The following SLMAP variants were observed in gnomAD, a reference collection of about 807,000 sequenced individuals.
The protein encoded by SLMAP is sarcolemma associated protein.
SLMAP carries 44 observed loss-of-function variants against 128.8 expected under a neutral mutation model. That is an observed-to-expected ratio of 0.34 (90% CI 0.27 to 0.44). The LOEUF is 0.44. Ranked by LOEUF, SLMAP falls within the 20% of genes least tolerant of loss-of-function variation. SLMAP has a pLI of 1.00. For missense variants in SLMAP, 787 were observed against 985.3 expected (o/e 0.80, Z 2.69); for synonymous variants, 327 against 348.8 (o/e 0.94, Z 0.70).
chr3:57,773,062 C>T (rs2081200657), intron 2 of SLMAP, among the ~76,000 whole-genome samples: 1 of 152,162 alleles, frequency 6.6e-6, no homozygotes, highest in African/African-American at 2.4e-5. Flanking sequence ...CAGCGTGTGT[C>T]ATTTCAGCTT....
chr3:57,900,116 A>G (rs967637882), intron 17 of SLMAP: 12 of 152,234 alleles, frequency 7.9e-5, no homozygotes, highest in Non-Finnish European at 1.2e-4. Flanking sequence ...GCAGCTACAT[A>G]TAAGTAGCCT....
intron 22 of SLMAP, among the ~76,000 whole-genome samples, chr3:57,919,530 C>T (rs1279020549): frequency 2.0e-5 from 3 of 152,104 alleles, no homozygotes; most frequent in Admixed American, 6.5e-5. Flanking sequence ...TGCAGTGGCT[C>T]ACTCCTGTAA....
chr3:57,859,588 T>C (rs965040725), intron 8 of SLMAP, among the ~76,000 whole-genome samples: 5 of 152,124 alleles, frequency 3.3e-5, no homozygotes, highest in Non-Finnish European at 7.4e-5. Flanking sequence ...CAATGGCCAT[T>C]GTTTTTTGTA....
At chr3:57,835,573 A>G (rs1376539528) in intron 3 of SLMAP, among the ~76,000 whole-genome samples, 3 of 152,238 alleles carry the variant, frequency 2.0e-5, no homozygotes, top group South Asian at 2.1e-4. Context: ...ACTAAAGTAG[A>G]AAGACCATGC....
chr3:57,884,878 A>G (rs2095839640), intron 14 of SLMAP, among the ~76,000 whole-genome samples: 1 of 152,142 alleles, frequency 6.6e-6, no homozygotes, highest in Admixed American at 6.6e-5. Flanking sequence ...TGGGTGTAAT[A>G]AGCCCTGCAA....
At position 57,896,894 on chromosome 3, in the gene SLMAP, A is replaced by G. The variant is rs1452779433; in HGVS notation, c.1463A>G (p.Asp488Gly). Residue 488 changes from aspartate (D) to glycine (G), a missense_variant, in exon 17 of 25, where the codon GAC (aspartate) becomes GGC (glycine). Transcript: ENST00000671191. ...GTAGACGCCCAAATGGATGAGCAAG[A>G]CCTAAATGAGCCTCTTGCCAAAGTG... ...DTTDAQMDEQ[D>G]LNEPLAKVSL... The G allele has an allele frequency of 3.7e-6, 6 of 1,611,496 alleles. No homozygotes were observed. Among genetic ancestry groups the G allele is most frequent in the Admixed American group, 1.7e-5 (1 of 59,496 alleles).
At chr3:57,812,743 T>G (rs926844639) in intron 2 of SLMAP, among the ~76,000 whole-genome samples, 1 of 152,144 alleles carries the variant, frequency 6.6e-6, no homozygotes, top group African/African-American at 2.4e-5. Context: ...TAATGTTTTA[T>G]AGTTTTTATT....
intron 14 of SLMAP, among the ~76,000 whole-genome samples, chr3:57,889,633 T>G (rs2096005349): frequency 6.6e-6 from 1 of 152,210 alleles, no homozygotes; most frequent in Non-Finnish European, 1.5e-5. Flanking sequence ...CTCTGCTGAA[T>G]TATGTCAGCA....
rs750311937 is a variant in SLMAP, at chr3:57,890,081, A to G, written c.1341A>G (p.Glu447=). Residue 447 remains glutamate (E), a synonymous_variant, in exon 15 of 25, where the codon GAA becomes GAG. Transcript: ENST00000671191. Reference sequence around the variant, plus strand: ...AAGGGCATCTAACCAAAGCGGTAGAAGAAACAAAGCTTTCAAAAGGTTTGT... The same window carrying G: ...AAGGGCATCTAACCAAAGCGGTAGAGGAAACAAAGCTTTCAAAAGGTTTGT... ...IVEGHLTKAV[E]ETKLSKENQT... 4.3e-6 allele frequency: 7 copies of G among 1,613,966 alleles called. No individual in the cohort carries two copies. Among genetic ancestry groups the G allele is most frequent in the Non-Finnish European group, 5.9e-6 (7 of 1,179,928 alleles).
chr3:57,782,647 G>GT (rs2083304834), intron 2 of SLMAP, among the ~76,000 whole-genome samples: 1 of 151,816 alleles, frequency 6.6e-6, no homozygotes, highest in Non-Finnish European at 1.5e-5. Flanking sequence ...TAATTTTTTT[G>GT]TTTTTTTGTA....
chr3:57,876,653 G>A (rs1160245652), intron 14 of SLMAP, among the ~76,000 whole-genome samples: 3 of 152,170 alleles, frequency 2.0e-5, no homozygotes, highest in Admixed American at 6.5e-5. Context: ...AAACTTAATG[G>A]ATACATTGAA....
chr3:57,779,043 A>G (rs1046751066), intron 2 of SLMAP, among the ~76,000 whole-genome samples: 1 of 152,154 alleles, frequency 6.6e-6, no homozygotes, highest in Non-Finnish European at 1.5e-5. Context: ...CCAAATGTTC[A>G]TTGACAGGAA....
intron 8 of SLMAP, among the ~76,000 whole-genome samples, chr3:57,858,833 T>G (rs979233232): frequency 6.6e-6 from 1 of 152,200 alleles, no homozygotes; most frequent in East Asian, 1.9e-4. Context: ...TCCCAGCTAC[T>G]CAGAAGGCTG....
intron 2 of SLMAP, among the ~76,000 whole-genome samples, chr3:57,821,596 T>C (rs2153530771): frequency 6.6e-6 from 1 of 152,330 alleles, no homozygotes; most frequent in Non-Finnish European, 1.5e-5. Flanking sequence ...ACTAAGTTTG[T>C]ATACTCTAAG....
Position 57,925,827 on chromosome 3 carries a change from A to G in SLMAP, c.2446-18A>G, listed in dbSNP as rs1165731019. 1.3e-6 allele frequency: 2 copies of G among 1,523,952 alleles called. No homozygotes were observed. Among genetic ancestry groups the G allele is most frequent in the South Asian group, 1.2e-5 (1 of 83,492 alleles). The allele number at this position is 1,523,952 out of a possible 1,614,324, so 94.4% of individuals were successfully genotyped here. On this transcript the variant is annotated intron_variant, in intron 23 of 24. Transcript: ENST00000671191. ...TTTCATAGCATAAAATGATTTTAAT[A>G]TGCCTTCCCTTCTTTAGCCTTCCAT...
intron 17 of SLMAP, among the ~76,000 whole-genome samples, chr3:57,906,858 C>T (rs1256479697): frequency 6.6e-6 from 1 of 151,530 alleles, no homozygotes; most frequent in Admixed American, 6.6e-5. Context: ...TTATTTCAGG[C>T]AGTGTTCAGT....
chr3:57,814,269 A>G (rs1417698138), intron 2 of SLMAP, among the ~76,000 whole-genome samples: 2 of 152,020 alleles, frequency 1.3e-5, no homozygotes, highest in African/African-American at 4.8e-5. Flanking sequence ...GGGTCATCGC[A>G]GCTTCAATCA....
At chr3:57,926,052 C>A in intron 24 of SLMAP, 118 bp downstream of exon 24, 1 of 705,156 alleles carries the variant, frequency 1.4e-6, no homozygotes, top group South Asian at 1.7e-5. Flanking sequence ...GCAAACCCTT[C>A]ATTTAGTATG....
intron 22 of SLMAP, among the ~76,000 whole-genome samples, chr3:57,921,798 C>T (rs1013062554): frequency 4.6e-5 from 7 of 151,996 alleles, no homozygotes; most frequent in Non-Finnish European, 1.0e-4. Flanking sequence ...TTCCACCTCC[C>T]GGGTTCAAGC....
Sources: gnomAD v4.1 joint callset for allele counts (sites outside exome capture counted in the v4.1 genomes callset) on GRCh38, gnomAD v4.1.1 for gene constraint, MANE v1.5 for transcripts, NCBI Gene and HGNC (gene_info 2026-07-23, HGNC 2026-07-21) for gene names.